Variants in ATP6V0E2 observed in about 807,000 individuals in gnomAD.
ATP6V0E2 encodes ATPase H+ transporting V0 subunit e2.
Under a neutral mutation model 11.5 loss-of-function variants are expected in ATP6V0E2, and 4 were observed. The ratio of observed to expected loss-of-function variants is 0.35; its 90% CI spans 0.17 to 0.80. ATP6V0E2 has a LOEUF of 0.80. Among genes scored for constraint, ATP6V0E2 ranks in the 30% least tolerant of loss-of-function variants. The pLI, the probability that ATP6V0E2 is intolerant of heterozygous loss-of-function variation, is 0.53. For synonymous variants in ATP6V0E2, 52 were observed against 51.0 expected, an observed-to-expected ratio of 1.02 and a Z score of -0.09; for missense variants, 93 against 113.5, an observed-to-expected ratio of 0.82 and a Z score of 0.82.
chr7:149,874,256 G>T lies in ATP6V0E2; in HGVS notation c.104+87G>T, dbSNP rs1278123353. 2.8e-6 allele frequency: 4 copies of T among 1,440,538 alleles called. No homozygotes were observed. In the African/African-American group the frequency reaches 4.3e-5, roughly 16 times the overall value. 89.2% of individuals were successfully genotyped at this position (1,440,538 alleles called of 1,614,324 possible). Reference sequence around the variant, plus strand: ...CTCCGCCCCGGGGCGGCGGCTTCCTGCTCTGCAGCGAGCGTCCGCAGGAGG... The same window carrying T: ...CTCCGCCCCGGGGCGGCGGCTTCCTTCTCTGCAGCGAGCGTCCGCAGGAGG... On this transcript the variant is annotated intron_variant, in intron 1 of 3. Transcript: ENST00000425642.
intron 2 of ATP6V0E2, among the ~76,000 whole-genome samples, chr7:149,878,252 G>A (rs988066357): frequency 6.6e-6 from 1 of 152,188 alleles, no homozygotes; most frequent in Non-Finnish European, 1.5e-5. Flanking sequence ...CACGTCTTGG[G>A]GTAGTTCCTT....
upstream of ATP6V0E2, chr7:149,873,916 GAGATGCGC>G: frequency 6.6e-7 from 1 of 1,523,296 alleles, no homozygotes; most frequent in Non-Finnish European, 8.8e-7. Context: ...GCTGGATCAG[GAGATGCGC>G]GTGCGCGGCC....
intron 2 of ATP6V0E2, 184 bp downstream of exon 2, chr7:149,875,829 A>C (rs1803101482): frequency 1.5e-6 from 1 of 681,396 alleles, no homozygotes; most frequent in Non-Finnish European, 2.6e-6. Context: ...AGAAGTCATG[A>C]ACCCTGGGCT....
Position 149,878,794 on chromosome 7 carries a change from CT to C in ATP6V0E2, c.*19+5del, listed in dbSNP as rs1162248356. The stretch of plus-strand genomic sequence containing the variant: ...TGACCCGCCGCCCCCGACCCAGGTA[CT>C]GTGTGGGCGAGGGGTGTGGGTGGGG... On this transcript the variant is annotated splice_donor_5th_base_variant and intron_variant, in intron 3 of 3. Transcript: ENST00000425642. The C allele has an allele frequency of 2.5e-6, 4 of 1,612,036 alleles. No individual in the cohort carries two copies. The South Asian group carries it at 4.4e-5, about 18-fold the overall frequency.
intron 1 of ATP6V0E2, among the ~76,000 whole-genome samples, chr7:149,874,410 C>T (rs889542663): frequency 6.6e-6 from 1 of 152,222 alleles, no homozygotes; most frequent in African/African-American, 2.4e-5. Context: ...TTGGAGATGT[C>T]TGTCACCCCT....
At chr7:149,873,759 C>T, upstream of ATP6V0E2, 2 of 970,622 alleles carry the variant, frequency 2.1e-6, no homozygotes, top group Admixed American at 3.3e-5. Context: ...GTTGGCTGTG[C>T]GGGCGCGGGG....
At chr7:149,877,489 AG>A (rs1803215082) in intron 2 of ATP6V0E2, among the ~76,000 whole-genome samples, 1 of 152,048 alleles carries the variant, frequency 6.6e-6, no homozygotes, top group Non-Finnish European at 1.5e-5. Context: ...GAAATGTATA[AG>A]CCCTCCTACT....
At chr7:149,873,817 C>G (rs1053171696), upstream of ATP6V0E2, 1 of 1,425,058 alleles carries the variant, frequency 7.0e-7, no homozygotes, top group Non-Finnish European at 9.2e-7. Context: ...GGCCGCGCCC[C>G]TATTCCTCGG....
rs2128949253 is a variant in ATP6V0E2, at chr7:149,878,542, G to A, written c.153-136G>A. 3 of 667,962 alleles carry A rather than the reference G, an allele frequency of 4.5e-6. No individual in the cohort carries two copies. The South Asian group carries it at 6.2e-5, about 14-fold the overall frequency. The allele number at this position is 667,962 out of a possible 1,614,324, so 41.4% of individuals were successfully genotyped here. ...TGCCGGAGTGTGGATGGCTCCCTGG[G>A]CCCTTCTTCACCCTGGGAACACAGG... On this transcript the variant is annotated intron_variant, in intron 2 of 3. Coordinates refer to ENST00000425642, the MANE Select transcript of ATP6V0E2 (RefSeq NM_145230.4).
chr7:149,875,590 T>C lies in ATP6V0E2; in HGVS notation c.105-8T>C, dbSNP rs1334513795. The C allele has an allele frequency of 6.2e-7, 1 of 1,613,810 alleles. No homozygotes were observed. The highest frequency in any genetic ancestry group is 2.2e-5 in the East Asian group (1 of 44,886). On this transcript the variant is annotated splice_polypyrimidine_tract_variant and splice_region_variant and intron_variant, in intron 1 of 3. Coordinates refer to ENST00000425642, the MANE Select transcript of ATP6V0E2 (RefSeq NM_145230.4). Reference sequence around the variant, plus strand: ...ATTTGTTCTGACCCGTGTCCTCTTCTGCTGCAGAGTGATCATCACCATGCT... The same window carrying C: ...ATTTGTTCTGACCCGTGTCCTCTTCCGCTGCAGAGTGATCATCACCATGCT...
chr7:149,879,438 G>T lies in ATP6V0E2; in HGVS notation c.*123G>T. On this transcript the variant is annotated 3_prime_UTR_variant, in exon 4 of 4. Coordinates refer to ENST00000425642, the MANE Select transcript of ATP6V0E2 (RefSeq NM_145230.4). Reference sequence around the variant, plus strand: ...TCTGGTCACCAGCTCCCTCCTGCTGGCACCCAGAGACCCGGACCCGCAGGG... The same window carrying T: ...TCTGGTCACCAGCTCCCTCCTGCTGTCACCCAGAGACCCGGACCCGCAGGG... 6.2e-7 allele frequency: 1 copy of T among 1,603,836 alleles called. No individual in the cohort carries two copies. The highest frequency in any genetic ancestry group is 8.5e-7 in the Non-Finnish European group (1 of 1,175,612).
intron 1 of ATP6V0E2, 60 bp from the exon 2 acceptor site, chr7:149,875,538 G>C: frequency 6.4e-7 from 1 of 1,565,620 alleles, no homozygotes; most frequent in Non-Finnish European, 8.8e-7. Flanking sequence ...CTCTGGTCCT[G>C]GCCAGGCCTT....
chr7:149,873,690 G>A (rs906122829), upstream of ATP6V0E2: 8 of 507,820 alleles, frequency 1.6e-5, no homozygotes, highest in Non-Finnish European at 2.5e-5. Flanking sequence ...CGCCCCGAAA[G>A]ACCGCTGGGG....
Position 149,879,929 on chromosome 7 carries a change from T to C in ATP6V0E2, c.*614T>C. Reference sequence around the variant, plus strand: ...ATGTGGGTCCAGATGGCCTCAGTCCTAGATGTTGGCACCCTTTGCTGTGTC... The same window carrying C: ...ATGTGGGTCCAGATGGCCTCAGTCCCAGATGTTGGCACCCTTTGCTGTGTC... On this transcript the variant is annotated 3_prime_UTR_variant, in exon 4 of 4. Coordinates refer to ENST00000425642, the MANE Select transcript of ATP6V0E2 (RefSeq NM_145230.4). 2.8e-6 allele frequency: 1 copy of C among 352,122 alleles called. No homozygotes were observed. 21.8% of individuals were successfully genotyped at this position (352,122 alleles called of 1,614,324 possible).
upstream of ATP6V0E2, chr7:149,873,803 G>A (rs558631207): frequency 6.3e-4 from 881 of 1,392,964 alleles, 15 homozygotes; most frequent in Admixed American, 0.021. Flanking sequence ...CGCCGAAACC[G>A]GGCGGCCGCG....
chr7:149,879,329 T>G lies in ATP6V0E2; in HGVS notation c.*20-6T>G. The stretch of plus-strand genomic sequence containing the variant: ...CCGGGACCCTTCCATGTGATGTGCT[T>G]TTCAGGTGCCCAGCTCTCGGAATGA... On this transcript the variant is annotated splice_region_variant and splice_polypyrimidine_tract_variant and intron_variant, in intron 3 of 3. Transcript: ENST00000425642. 1 of 1,524,376 alleles carries G rather than the reference T, an allele frequency of 6.6e-7. No individual in the cohort carries two copies. The highest frequency in any genetic ancestry group is 8.8e-7 in the Non-Finnish European group (1 of 1,132,728). The allele number at this position is 1,524,376 out of a possible 1,614,324, so 94.4% of individuals were successfully genotyped here.
rs765037991 is a variant in ATP6V0E2, at chr7:149,879,480, AAGTCTTCCC to A, written c.*177_*185del. Reference sequence around the variant, plus strand: ...CCCGCAGGGCCTGCCTGGTTCCTGGAAGTCTTCCCAGTCTTCCCAGCCAGCCCGGGCCCT... The same window carrying A: ...CCCGCAGGGCCTGCCTGGTTCCTGGAAGTCTTCCCAGCCAGCCCGGGCCCT... On this transcript the variant is annotated 3_prime_UTR_variant, in exon 4 of 4. Coordinates refer to ENST00000425642, the MANE Select transcript of ATP6V0E2 (RefSeq NM_145230.4). 6.3e-7 allele frequency: 1 copy of A among 1,594,004 alleles called. No individual in the cohort carries two copies. Among genetic ancestry groups the A allele is most frequent in the Admixed American group, 1.7e-5 (1 of 57,354 alleles).
In ATP6V0E2 at chr7:149,879,840, T is replaced by G. The variant is rs748214458; in HGVS notation, c.*525T>G. 61 of 466,670 alleles carry G rather than the reference T, an allele frequency of 1.3e-4. No homozygotes were observed. In the East Asian group the frequency reaches 2.1e-3, roughly 16 times the overall value. The allele number at this position is 466,670 out of a possible 1,614,324, so 28.9% of individuals were successfully genotyped here. A position where few individuals can be genotyped will look rare whatever the true frequency, so the allele number is the denominator to read the frequency against. ...GGAATTGTTAATTTTCTGACACGTC[T>G]AGATGTGAAATTTCTGAAAATGTTG... On this transcript the variant is annotated 3_prime_UTR_variant, in exon 4 of 4. Coordinates refer to ENST00000425642, the MANE Select transcript of ATP6V0E2 (RefSeq NM_145230.4).
chr7:149,873,865 C>T, upstream of ATP6V0E2: 2 of 1,458,954 alleles, frequency 1.4e-6, no homozygotes, highest in Non-Finnish European at 9.0e-7. Flanking sequence ...AGCCAATCAG[C>T]GAGTGGGCTC....
Sources: gnomAD v4.1 joint callset for allele counts (sites outside exome capture counted in the v4.1 genomes callset) on GRCh38, gnomAD v4.1.1 for gene constraint, MANE v1.5 for transcripts, NCBI Gene and HGNC (gene_info 2026-07-23, HGNC 2026-07-21) for gene names.